Variants in JADE1 observed in about 807,000 individuals in gnomAD.
JADE1 encodes jade family PHD finger 1.
In JADE1, 14 loss-of-function variants were observed where a neutral mutation model predicts 81.8. The observed-to-expected ratio is 0.17, with a 90% CI of 0.11 to 0.27. JADE1 has a LOEUF of 0.27. JADE1 is among the 10% of genes least tolerant of loss of function. The pLI, the probability that JADE1 is intolerant of heterozygous loss-of-function variation, is 1.00. For synonymous variants in JADE1, 353 were observed against 391.9 expected (o/e 0.90, Z 1.17); for missense variants, 690 against 1,047.9 (o/e 0.66, Z 4.71).
intron 5 of JADE1, among the ~76,000 whole-genome samples, chr4:128,851,164 C>T (rs1730320537): frequency 6.6e-6 from 1 of 152,238 alleles, no homozygotes; most frequent in Non-Finnish European, 1.5e-5. Flanking sequence ...CTCCTGACCT[C>T]AAATGATCTA....
At chr4:128,853,761 G>A (rs1730564920) in intron 6 of JADE1, among the ~76,000 whole-genome samples, 1 of 152,278 alleles carries the variant, frequency 6.6e-6, no homozygotes, top group Middle Eastern at 3.4e-3. Flanking sequence ...GAAGAAGCAC[G>A]TTTGCTCCAT....
intron 1 of JADE1, among the ~76,000 whole-genome samples, chr4:128,823,319 C>G (rs1359929153): frequency 6.6e-6 from 1 of 152,170 alleles, no homozygotes; most frequent in African/African-American, 2.4e-5. Flanking sequence ...CATTCAGAAC[C>G]ACTCAAATTT....
chr4:128,861,679 C>A, intron 8 of JADE1, 25 bp from the exon 9 acceptor site: 1 of 1,609,368 alleles, frequency 6.2e-7, no homozygotes, highest in South Asian at 1.1e-5. Context: ...GGTCTATTCT[C>A]ATGTTCTTTG....
In JADE1 at chr4:128,862,475, T is replaced by C. The variant is rs1365455526; in HGVS notation, c.1503+250T>C. ...TTAAAAACACTTTCCCATTAATCTT[T>C]ACTGTTTTGTAAGATCAAATGGGGT... On this transcript the variant is annotated intron_variant, in intron 9 of 10. Transcript: ENST00000226319. The C allele has an allele frequency of 4.4e-6, 6 of 1,365,800 alleles. No individual in the cohort carries two copies. In the East Asian group the frequency reaches 1.1e-4, roughly 25 times the overall value. The allele number at this position is 1,365,800 out of a possible 1,614,324, so 84.6% of individuals were successfully genotyped here.
Position 128,863,697 on chromosome 4 carries a change from C to T in JADE1, c.1503+1472C>T, listed in dbSNP as rs182272267. 188 of 985,328 alleles carry T rather than the reference C, an allele frequency of 1.9e-4. 1 individual carries two copies. The African/African-American group carries it at 3.0e-3, about 16-fold the overall frequency. The allele number at this position is 985,328 out of a possible 1,614,324, so 61.0% of individuals were successfully genotyped here. Reference sequence around the variant, plus strand: ...GGTGGTGAGTGTAAAGAAGACTTTGCCTCTCACAACTACATGTATGTGTGG... The same window carrying T: ...GGTGGTGAGTGTAAAGAAGACTTTGTCTCTCACAACTACATGTATGTGTGG... On this transcript the variant is annotated intron_variant, in intron 9 of 10. Coordinates refer to ENST00000226319, the MANE Select transcript of JADE1 (RefSeq NM_199320.4).
intron 5 of JADE1, among the ~76,000 whole-genome samples, chr4:128,851,153 A>T (rs1730319000): frequency 6.6e-6 from 1 of 152,140 alleles, no homozygotes; most frequent in Admixed American, 6.5e-5. Flanking sequence ...TTGGTCGTGA[A>T]CTCCTGACCT....
chr4:128,816,875 TTCTC>T (rs886481578), intron 1 of JADE1, among the ~76,000 whole-genome samples: 2 of 151,960 alleles, frequency 1.3e-5, no homozygotes, highest in Non-Finnish European at 2.9e-5. Context: ...AAACTACATT[TTCTC>T]TCTCTTTTTT....
intron 1 of JADE1, among the ~76,000 whole-genome samples, chr4:128,813,783 T>A (rs772937762): frequency 3.9e-5 from 6 of 151,992 alleles, no homozygotes; most frequent in Non-Finnish European, 8.8e-5. Flanking sequence ...TTCTTCAAAG[T>A]TTGGATACTT....
At position 128,855,579 on chromosome 4, in the gene JADE1, TA is replaced by T. The variant is rs1232431998; in HGVS notation, c.697-49del. ...AAATGAATAGATATAATGGGAAAAA[TA>T]ACATTTTCTCTTTCTCTCTATTCCT... On this transcript the variant is annotated intron_variant, in intron 6 of 10. Transcript: ENST00000226319. The T allele has an allele frequency of 2.0e-6, 3 of 1,486,330 alleles. No individual in the cohort carries two copies. In the East Asian group the frequency reaches 7.0e-5, roughly 34 times the overall value. The allele number at this position is 1,486,330 out of a possible 1,614,324, so 92.1% of individuals were successfully genotyped here.
intron 9 of JADE1, chr4:128,863,002 C>T: frequency 1.0e-6 from 1 of 985,484 alleles, no homozygotes; most frequent in African/African-American, 1.7e-5. Flanking sequence ...TCAGATCTGT[C>T]TGAGGAGCCC....
At chr4:128,815,192 G>A (rs541718115) in intron 1 of JADE1, among the ~76,000 whole-genome samples, 32 of 28,162 alleles carry the variant, frequency 1.1e-3, no homozygotes, top group African/African-American at 2.3e-3. Flanking sequence ...GCTCCGCCTC[G>A]CGGGTTCACG....
chr4:128,864,704 C>A, intron 9 of JADE1: 2 of 594,826 alleles, frequency 3.4e-6, no homozygotes, highest in Non-Finnish European at 4.2e-6. Flanking sequence ...CCTCAAAAAT[C>A]ATTTAATACC....
Position 128,813,687 on chromosome 4 carries a change from C to T in JADE1, c.-27+3810C>T, listed in dbSNP as rs559504018. ...CCGCCCGCCCCGGCCTCTCAAAGTG[C>T]TGGGATTACAGGCGTGAGCCACCAC... On this transcript the variant is annotated intron_variant, in intron 1 of 10. Transcript: ENST00000226319. Among the ~76,000 whole-genome samples, 3 of 152,114 alleles carry T rather than the reference C, an allele frequency of 2.0e-5. No homozygotes were observed. In the South Asian group the frequency reaches 6.2e-4, roughly 32 times the overall value.
chr4:128,834,067 G>A (rs1728773105), intron 2 of JADE1, among the ~76,000 whole-genome samples: 1 of 152,214 alleles, frequency 6.6e-6, no homozygotes, highest in Admixed American at 6.5e-5. Flanking sequence ...GTGTTGGACA[G>A]TGTAGTTCTG....
At chr4:128,813,407 C>CTT (rs72296886) in intron 1 of JADE1, among the ~76,000 whole-genome samples, 4,340 of 115,426 alleles carry the variant, frequency 0.038, 203 homozygotes, top group African/African-American at 0.049. Flanking sequence ...CTTACGGTCA[C>CTT]TTTTTTTTTT....
intron 9 of JADE1, among the ~76,000 whole-genome samples, chr4:128,865,443 A>G (rs1376666543): frequency 1.3e-5 from 2 of 152,048 alleles, no homozygotes; most frequent in African/African-American, 2.4e-5. Flanking sequence ...TTTTTAAGAT[A>G]CCTCCTTGCA....
At chr4:128,855,388 T>C (rs150671431) in intron 6 of JADE1, among the ~76,000 whole-genome samples, 111 of 152,270 alleles carry the variant, frequency 7.3e-4, no homozygotes, top group African/African-American at 2.3e-3. Flanking sequence ...TAAATAAATA[T>C]GTATTGTGTC....
At chr4:128,827,904 T>C (rs1728210917) in intron 1 of JADE1, 3 of 985,130 alleles carry the variant, frequency 3.0e-6, no homozygotes, top group South Asian at 4.7e-5. Flanking sequence ...GTTACACATA[T>C]GTTGGTAAGT....
intron 1 of JADE1, among the ~76,000 whole-genome samples, chr4:128,825,210 T>A (rs1727945113): frequency 6.6e-6 from 1 of 152,130 alleles, no homozygotes; most frequent in South Asian, 2.1e-4. Context: ...TGGTTAACTT[T>A]TTGTGTTTTT....
Sources: gnomAD v4.1 joint callset for allele counts (sites outside exome capture counted in the v4.1 genomes callset) on GRCh38, gnomAD v4.1.1 for gene constraint, MANE v1.5 for transcripts, NCBI Gene and HGNC (gene_info 2026-07-23, HGNC 2026-07-21) for gene names.